Variants in DAB2IP observed in about 807,000 individuals in gnomAD.
DAB2IP encodes disabled homolog 2-interacting protein.
DAB2IP carries 28 observed loss-of-function variants against 107.2 expected under a neutral mutation model. The observed-to-expected ratio is 0.26, with a 90% confidence interval of 0.19 to 0.36. The LOEUF (loss-of-function observed/expected upper bound fraction) is 0.36, where lower values mean the gene tolerates loss of function less well. Among genes scored for constraint, DAB2IP ranks in the 10% least tolerant of loss-of-function variants. The pLI is 1.00. For synonymous variants in DAB2IP, 755 were observed against 706.4 expected (o/e 1.07, Z -1.09); for missense variants, 1,400 against 1,644.7 (o/e 0.85, Z 2.57).
chr9:121,775,950 G>T (rs867682838), intron 13 of DAB2IP, among the ~76,000 whole-genome samples: 1 of 152,174 alleles, frequency 6.6e-6, no homozygotes, highest in Non-Finnish European at 1.5e-5. Flanking sequence ...CTTCATCCCC[G>T]CTGTAGCCAT....
intron 3 of DAB2IP, among the ~76,000 whole-genome samples, chr9:121,749,739 G>A (rs1450006199): frequency 6.6e-6 from 1 of 152,162 alleles, no homozygotes; most frequent in Non-Finnish European, 1.5e-5. Flanking sequence ...GAAATTTGAG[G>A]CATCCCAGAG....
chr9:121,576,379 T>C (rs921280773), intron 1 of DAB2IP, among the ~76,000 whole-genome samples: 8 of 152,062 alleles, frequency 5.3e-5, no homozygotes, highest in Non-Finnish European at 1.2e-4. Flanking sequence ...ACCTTTGCAC[T>C]TGCTCTTACC....
intron 3 of DAB2IP, among the ~76,000 whole-genome samples, chr9:121,733,584 C>G (rs1157082661): frequency 6.6e-6 from 1 of 152,180 alleles, no homozygotes; most frequent in Non-Finnish European, 1.5e-5. Context: ...CCCTGAGAAC[C>G]AGAGATGAAC....
Position 121,782,380 on chromosome 9 carries a change from C to T in DAB2IP, c.3452C>T (p.Ala1151Val), listed in dbSNP as rs758285852. Reference sequence around the variant, plus strand: ...GCCGCCAATGCCCGCCTCATGAGTGCCCTGACCCAGCTGAAAGAGAGGTAC... The same window carrying T: ...GCCGCCAATGCCCGCCTCATGAGTGTCCTGACCCAGCTGAAAGAGAGGTAC... Residue 1151 changes from alanine (A) to valine (V), a missense_variant, in exon 16 of 16, where the codon GCC (alanine) becomes GTC (valine). Ala to Val is a moderately conservative substitution (Grantham distance 64). Around this residue, in one of 3 missense-constraint regions of DAB2IP, gnomAD observed 600 missense variants for 659.1 expected, o/e 0.91. Coordinates refer to ENST00000408936, the Ensembl canonical transcript of DAB2IP. This position sits in a 1 kb window ranked among gnomAD's most constrained non-coding sequence, Gnocchi z 6.1. 8 of 1,614,094 alleles carry T rather than the reference C, an allele frequency of 5.0e-6. No individual in the cohort carries two copies. Among genetic ancestry groups the T allele is most frequent in the Non-Finnish European group, 5.9e-6 (7 of 1,179,968 alleles).
upstream of DAB2IP, among the ~76,000 whole-genome samples, chr9:121,646,594 C>T (rs552514831): frequency 4.1e-4 from 62 of 150,490 alleles, no homozygotes; most frequent in Admixed American, 9.3e-4. Flanking sequence ...TGCAGGCCTG[C>T]CTGGCTGGGG....
At chr9:121,774,006 T>A (rs953362002) in intron 12 of DAB2IP, among the ~76,000 whole-genome samples, 3 of 152,132 alleles carry the variant, frequency 2.0e-5, no homozygotes, top group Non-Finnish European at 4.4e-5. Context: ...AGTGGCAGGG[T>A]CACTCACTGT....
At chr9:121,639,396 A>T (rs1589437991) in intron 1 of DAB2IP, among the ~76,000 whole-genome samples, 1 of 152,284 alleles carries the variant, frequency 6.6e-6, no homozygotes, top group African/African-American at 2.4e-5. Context: ...CTCAGATGGG[A>T]CCGTGTCCCT....
chr9:121,663,414 G>C (rs868167264), intron 1 of DAB2IP, among the ~76,000 whole-genome samples: 2 of 152,044 alleles, frequency 1.3e-5, no homozygotes, highest in Admixed American at 6.6e-5. Flanking sequence ...AGCCAAACAC[G>C]TCCCCTCTGA....
At chr9:121,727,153 A>G (rs140948712) in intron 3 of DAB2IP, among the ~76,000 whole-genome samples, 1 of 152,222 alleles carries the variant, frequency 6.6e-6, no homozygotes, top group African/African-American at 2.4e-5. Flanking sequence ...CTTGGCCTGG[A>G]CACTCGTTAC....
At chr9:121,593,234 CACCA>C (rs1436453145) in intron 1 of DAB2IP, among the ~76,000 whole-genome samples, 1 of 152,136 alleles carries the variant, frequency 6.6e-6, no homozygotes, top group East Asian at 1.9e-4. Flanking sequence ...CAGGCATGCT[CACCA>C]CTGTGCTTGG....
exon 16 of DAB2IP, chr9:121,783,373 G>A: frequency 6.6e-7 from 1 of 1,521,282 alleles, no homozygotes; most frequent in Non-Finnish European, 8.8e-7. Flanking sequence ...GCCTTCTCCT[G>A]GGGCCCAGCA....
At chr9:121,731,930 G>A (rs528272204) in intron 3 of DAB2IP, among the ~76,000 whole-genome samples, 100 of 152,106 alleles carry the variant, frequency 6.6e-4, no homozygotes, top group African/African-American at 2.3e-3. Flanking sequence ...TGTGGTGATG[G>A]CTGGGCCCTA....
intron 1 of DAB2IP, among the ~76,000 whole-genome samples, chr9:121,620,157 G>A (rs1385965115): frequency 7.9e-5 from 12 of 152,176 alleles, no homozygotes; most frequent in Non-Finnish European, 1.8e-4. Flanking sequence ...GCAGCCTTCC[G>A]GATCCAGCCG....
At chr9:121,667,633 G>C (rs1202381367) in intron 1 of DAB2IP, among the ~76,000 whole-genome samples, 1 of 151,776 alleles carries the variant, frequency 6.6e-6, no homozygotes, top group African/African-American at 2.4e-5. Context: ...TGGGATTACA[G>C]TTGTGCGTCA....
intron 9 of DAB2IP, 69 bp from the exon 10 acceptor site, chr9:121,768,363 C>T: frequency 6.5e-7 from 1 of 1,530,420 alleles, no homozygotes; most frequent in Non-Finnish European, 9.0e-7. Flanking sequence ...GGTGGTGTCC[C>T]AGTGGAGGGA....
chr9:121,643,038 A>T (rs991046841), intron 1 of DAB2IP, among the ~76,000 whole-genome samples: 2 of 152,048 alleles, frequency 1.3e-5, no homozygotes, highest in Non-Finnish European at 2.9e-5. Context: ...CGTTTGGCAC[A>T]TTCAGAGATT....
chr9:121,643,847 T>C (rs1321309943), intron 1 of DAB2IP, among the ~76,000 whole-genome samples: 1 of 152,222 alleles, frequency 6.6e-6, no homozygotes, highest in African/African-American at 2.4e-5. Context: ...GACTGTCCTC[T>C]CAACCAATCC....
rs79119797 is a variant in DAB2IP at position 121,593,224 on chromosome 9, C to T, written c.40+25996C>T. On this transcript the variant is annotated intron_variant, in intron 1 of 16. Transcript: ENST00000259371. ...TCAGCCTTCCAAGTAGCTGGGACCA[C>T]AGGCATGCTCACCACTGTGCTTGGC... 3.7e-3 allele frequency among the ~76,000 whole-genome samples: 567 copies of T among 152,274 alleles called. 3 individuals carry two copies. Among genetic ancestry groups the T allele is most frequent in the African/African-American group, 0.013 (544 of 41,544 alleles).
chr9:121,745,606 G>A (rs1457937398), intron 3 of DAB2IP, among the ~76,000 whole-genome samples: 3 of 140,792 alleles, frequency 2.1e-5, no homozygotes, highest in South Asian at 2.6e-4. Flanking sequence ...CTGTGCTGGT[G>A]GCTGGATCAA....
Sources: gnomAD v4.1 joint callset for allele counts (sites outside exome capture counted in the v4.1 genomes callset) on GRCh38, gnomAD v4.1.1 for gene constraint, gnomAD v4.1.1 regional missense constraint, Gnocchi (gnomAD v3.1) non-coding constraint, MANE v1.5 for transcripts, NCBI Gene and HGNC (gene_info 2026-07-23, HGNC 2026-07-21) for gene names.